NRG3: variants seen among roughly 807,000 people sequenced by gnomAD.
The protein encoded by NRG3 is pro-neuregulin-3, membrane-bound isoform.
In NRG3, 31 loss-of-function variants were observed where a neutral mutation model predicts 66.9. That is an observed-to-expected ratio of 0.46 (90% CI 0.35 to 0.63). The LOEUF is 0.63. Among genes scored for constraint, NRG3 ranks in the 20% least tolerant of loss-of-function variants. The probability of loss-of-function intolerance (pLI) is 0.00; values close to 1 mark genes in which losing one functional copy is unlikely to be tolerated. For missense variants in NRG3, 910 were observed against 878.9 expected, an observed-to-expected ratio of 1.04 and a Z score of -0.45; for synonymous variants, 393 against 359.4, an observed-to-expected ratio of 1.09 and a Z score of -1.06.
chr10:82,580,369 CT>C, intron 2 of NRG3, among the ~76,000 whole-genome samples: 1 of 151,964 alleles, frequency 6.6e-6, no homozygotes, highest in East Asian at 1.9e-4. Context: ...ATTATTAACA[CT>C]TTTTACAATT....
At chr10:82,328,073 CA>C (rs1201630806) in intron 1 of NRG3, among the ~76,000 whole-genome samples, 5 of 152,116 alleles carry the variant, frequency 3.3e-5, no homozygotes, top group African/African-American at 1.2e-4. Flanking sequence ...TGAATTTTGG[CA>C]AGGGTTGTGG....
intron 1 of NRG3, among the ~76,000 whole-genome samples, chr10:82,210,922 TAA>T (rs34245469): frequency 8.3e-5 from 11 of 132,062 alleles, no homozygotes; most frequent in African/African-American, 5.4e-5. Flanking sequence ...TGGAACTTGG[TAA>T]AAAAAAAAAA....
intron 5 of NRG3, among the ~76,000 whole-genome samples, chr10:82,954,800 T>TTGTGTG (rs113113874): frequency 4.1e-5 from 6 of 147,194 alleles, no homozygotes; most frequent in Admixed American, 1.4e-4. Context: ...CTGGCACAAG[T>TTGTGTG]TGTGTGTGTG....
At chr10:82,808,996 G>C (rs1156699820) in intron 3 of NRG3, among the ~76,000 whole-genome samples, 2 of 152,188 alleles carry the variant, frequency 1.3e-5, no homozygotes, top group Admixed American at 1.3e-4. Flanking sequence ...TAGTACTGAA[G>C]GCAAAGAAAT....
rs184343863 is a variant in NRG3, at chr10:82,895,090, T to G, written c.1054+29653T>G. 3.3e-3 allele frequency among the ~76,000 whole-genome samples: 499 copies of G among 152,332 alleles called. 3 individuals carry two copies. Among genetic ancestry groups the G allele is most frequent in the African/African-American group, 0.011 (460 of 41,562 alleles). ...ACATGAACTCATTCTTTTTTATGGC[T>G]GCATAGTATTCCACGGTGTATATGT... is the stretch of plus-strand genomic sequence containing the variant. On this transcript the variant is annotated intron_variant, in intron 4 of 8. Coordinates refer to ENST00000372141, the MANE Select transcript of NRG3 (RefSeq NM_001010848.4).
intron 3 of NRG3, among the ~76,000 whole-genome samples, chr10:82,811,393 G>A (rs1310218302): frequency 6.6e-6 from 1 of 152,214 alleles, no homozygotes; most frequent in African/African-American, 2.4e-5. Context: ...TCCCTTTTTA[G>A]AAAGGGAGGC....
At chr10:81,938,001 C>T (rs1019348954) in intron 1 of NRG3, among the ~76,000 whole-genome samples, 2 of 152,050 alleles carry the variant, frequency 1.3e-5, no homozygotes, top group Non-Finnish European at 2.9e-5. Context: ...AGAGACAGTC[C>T]TTTCCCTGTT....
chr10:82,572,652 G>C (rs991576191), intron 2 of NRG3, among the ~76,000 whole-genome samples: 1 of 150,968 alleles, frequency 6.6e-6, no homozygotes, highest in African/African-American at 2.4e-5. Context: ...TTTATTTTTG[G>C]CCCTTATTCC....
intron 2 of NRG3, among the ~76,000 whole-genome samples, chr10:82,363,443 TTTTGTTTGTTTG>T (rs3068953): frequency 2.0e-5 from 3 of 151,776 alleles, no homozygotes; most frequent in Admixed American, 6.6e-5. Context: ...TTATACTGTT[TTTTGTTTGTTTG>T]TTTGTTTGTT....
Position 82,541,456 on chromosome 10 carries a change from C to A in NRG3, c.953+182588C>A, listed in dbSNP as rs190178399. ...AATTCCTGTCCCTTTTAAGGGCTCA[C>A]AACTCTAAGGGGGTCCATGTGAGAG... On this transcript the variant is annotated intron_variant, in intron 2 of 8. Transcript: ENST00000372141. Among the ~76,000 whole-genome samples, 155 of 152,102 alleles carry A rather than the reference C, an allele frequency of 1.0e-3. No homozygotes were observed. In the Middle Eastern group the frequency reaches 0.01, roughly 10 times the overall value.
At chr10:82,260,842 A>G (rs1275130192) in intron 1 of NRG3, among the ~76,000 whole-genome samples, 1 of 152,204 alleles carries the variant, frequency 6.6e-6, no homozygotes, top group Non-Finnish European at 1.5e-5. Context: ...TTCATGTGGT[A>G]AAGGAGTTCT....
chr10:82,443,275 T>G (rs2090539586), intron 2 of NRG3, among the ~76,000 whole-genome samples: 1 of 152,096 alleles, frequency 6.6e-6, no homozygotes, highest in Non-Finnish European at 1.5e-5. Context: ...ATGAGTAGCC[T>G]AGGACAAAAC....
chr10:82,570,739 G>GAT (rs2045679241), intron 2 of NRG3, among the ~76,000 whole-genome samples: 1 of 151,612 alleles, frequency 6.6e-6, no homozygotes, highest in Admixed American at 6.6e-5. Flanking sequence ...AACGTGGTTT[G>GAT]ATATATAGGG....
At chr10:82,483,530 T>C (rs1047555253) in intron 2 of NRG3, among the ~76,000 whole-genome samples, 1 of 152,238 alleles carries the variant, frequency 6.6e-6, no homozygotes, top group African/African-American at 2.4e-5. Flanking sequence ...TAGGCAATGC[T>C]AGTAGTAGAT....
chr10:82,171,770 G>A (rs2072632252), intron 1 of NRG3, among the ~76,000 whole-genome samples: 1 of 151,998 alleles, frequency 6.6e-6, no homozygotes, highest in African/African-American at 2.4e-5. Flanking sequence ...TCTGGCCACT[G>A]CATCCACGTT....
chr10:82,069,055 C>T (rs1475206836), intron 1 of NRG3, among the ~76,000 whole-genome samples: 1 of 152,162 alleles, frequency 6.6e-6, no homozygotes, highest in African/African-American at 2.4e-5. Flanking sequence ...CAAATTGCTT[C>T]AGAGAATTTA....
rs546841291 is a variant in NRG3 at position 82,349,936 on chromosome 10, G to A, written c.824-8803G>A. The stretch of plus-strand genomic sequence containing the variant: ...CCCTGCTTCGGCTCGCGCACGGTGC[G>A]CGCACCCACTGACCTGCGCCCACTG... On this transcript the variant is annotated intron_variant, in intron 1 of 8. Transcript: ENST00000372141. 7.4e-3 allele frequency among the ~76,000 whole-genome samples: 1,131 copies of A among 152,194 alleles called. 41 individuals carry two copies. The highest frequency in any genetic ancestry group is 0.062 in the Admixed American group (946 of 15,282).
intron 1 of NRG3, among the ~76,000 whole-genome samples, chr10:81,887,381 T>C (rs1322555062): frequency 6.6e-6 from 1 of 152,154 alleles, no homozygotes; most frequent in Non-Finnish European, 1.5e-5. Flanking sequence ...GTAGTATTGC[T>C]ATACAAGGAT....
chr10:82,794,418 C>A (rs932467630), intron 3 of NRG3, among the ~76,000 whole-genome samples: 3 of 152,002 alleles, frequency 2.0e-5, no homozygotes, highest in African/African-American at 7.2e-5. Flanking sequence ...AAATTTATTC[C>A]TTGGCCTGAA....
Sources: gnomAD v4.1 joint callset for allele counts (sites outside exome capture counted in the v4.1 genomes callset) on GRCh38, gnomAD v4.1.1 for gene constraint, MANE v1.5 for transcripts, NCBI Gene and HGNC (gene_info 2026-07-23, HGNC 2026-07-21) for gene names.